The following PIK3C2G variants were observed in gnomAD, a reference collection of about 807,000 sequenced individuals.
PIK3C2G encodes phosphatidylinositol-4-phosphate 3-kinase catalytic subunit type 2 gamma.
PIK3C2G carries 168 observed loss-of-function variants against 181.1 expected under a neutral mutation model. The observed-to-expected ratio is 0.93, with a 90% CI of 0.82 to 1.05. PIK3C2G has a LOEUF of 1.05. Ranked by LOEUF, PIK3C2G falls within the 50% of genes least tolerant of loss-of-function variation. The probability of loss-of-function intolerance (pLI) is 0.00; values close to 1 mark genes in which losing one functional copy is unlikely to be tolerated. For synonymous variants in PIK3C2G, 573 were observed against 592.2 expected (o/e 0.97, Z 0.47); for missense variants, 1,869 against 1,732.8 (o/e 1.08, Z -1.40).
At chr12:18,273,875 G>C (rs1948856391) in intron 1 of PIK3C2G, among the ~76,000 whole-genome samples, 1 of 151,996 alleles carries the variant, frequency 6.6e-6, no homozygotes. Flanking sequence ...GCAACCTACA[G>C]AATGGGAGAA....
At chr12:18,421,519 T>G (rs1945485947) in intron 17 of PIK3C2G, among the ~76,000 whole-genome samples, 1 of 151,966 alleles carries the variant, frequency 6.6e-6, no homozygotes, top group Non-Finnish European at 1.5e-5. Context: ...AATGTTGGAG[T>G]AATTTTAGAA....
At chr12:18,257,344 C>A (rs968731517), upstream of PIK3C2G, among the ~76,000 whole-genome samples, 1 of 152,154 alleles carries the variant, frequency 6.6e-6, no homozygotes, top group African/African-American at 2.4e-5. Context: ...ATTCATTTAA[C>A]ACAGAGAATA....
the PIK3C2G span, chr12:18,696,142 T>C: frequency 2.2e-6 from 3 of 1,345,326 alleles, no homozygotes; most frequent in Admixed American, 1.7e-5. Flanking sequence ...ATATCGTATA[T>C]AACATACCCA....
At chr12:18,532,207 G>A (rs537038214) in intron 24 of PIK3C2G, among the ~76,000 whole-genome samples, 10 of 151,982 alleles carry the variant, frequency 6.6e-5, no homozygotes, top group Admixed American at 2.0e-4. Flanking sequence ...TATCTCTTTT[G>A]CTCATTTTCT....
rs555747731 is a variant in PIK3C2G at position 18,386,054 on chromosome 12, T to A, written c.1995+4174T>A. On this transcript the variant is annotated intron_variant, in intron 14 of 32. Transcript: ENST00000538779. ...ACTCCCTCCTCTTCTTCAAAGAGAC[T>A]GAACTTTCTCCCTCCTCCTTCCACA... Among the ~76,000 whole-genome samples the A allele has an allele frequency of 7.2e-5, 11 of 152,182 alleles. No homozygotes were observed. The South Asian group carries it at 2.3e-3, about 32-fold the overall frequency.
At chr12:18,292,861 G>A (rs1949772094) in intron 4 of PIK3C2G, among the ~76,000 whole-genome samples, 1 of 152,152 alleles carries the variant, frequency 6.6e-6, no homozygotes, top group Non-Finnish European at 1.5e-5. Context: ...AGAGTCTAGA[G>A]AACAACCAAC....
At chr12:18,466,527 TTTAAAG>T (rs1937901509) in intron 18 of PIK3C2G, among the ~76,000 whole-genome samples, 1 of 152,078 alleles carries the variant, frequency 6.6e-6, no homozygotes, top group South Asian at 2.1e-4. Flanking sequence ...ATATATACAT[TTTAAAG>T]TTAATTTTAT....
At chr12:18,607,006 C>T (rs76104143) in intron 30 of PIK3C2G, among the ~76,000 whole-genome samples, 3,528 of 151,974 alleles carry the variant, frequency 0.023, 144 homozygotes, top group African/African-American at 0.08. Context: ...TGGCTTTGCC[C>T]CTTGGGGATA....
At chr12:18,424,964 G>A (rs1945710483) in intron 18 of PIK3C2G, 1 of 196,586 alleles carries the variant, frequency 5.1e-6, no homozygotes, top group Admixed American at 4.6e-5. Context: ...AGTATGATTG[G>A]AAATGGGTCC....
At chr12:18,673,729 C>G in the PIK3C2G span, among the ~76,000 whole-genome samples, 19 of 152,298 alleles carry the variant, frequency 1.2e-4, no homozygotes, top group African/African-American at 4.3e-4. Flanking sequence ...GCAGTCTCAT[C>G]TGACTTCTCA....
chr12:18,314,000 A>G lies in PIK3C2G; in HGVS notation c.1073A>G (p.Asp358Gly), dbSNP rs1284974002. ...GGGAGCCACAAAATGTTTCAAAAAG[A>G]TAAATCTGTTATTCAGCTCCACCTG... ...CLGSHKMFQK[D>G]KSVIQLHLQK... The change falls in exon 6 of 33, where the codon GAT becomes GGT. Residue 358 changes from aspartate (D) to glycine (G), a missense_variant. Asp to Gly is a moderately conservative substitution (Grantham distance 94). Coordinates refer to ENST00000538779, the MANE Select transcript of PIK3C2G (RefSeq NM_001288772.2). 6.3e-7 allele frequency: 1 copy of G among 1,592,408 alleles called. No individual in the cohort carries two copies. The highest frequency in any genetic ancestry group is 1.1e-5 in the South Asian group (1 of 87,026).
the PIK3C2G span, among the ~76,000 whole-genome samples, chr12:18,659,012 T>C: frequency 6.6e-6 from 1 of 152,140 alleles, no homozygotes; most frequent in African/African-American, 2.4e-5. Context: ...TCAGTGCTTT[T>C]TGGAGCATGA....
At chr12:18,683,370 G>A in the PIK3C2G span, 2 of 1,574,936 alleles carry the variant, frequency 1.3e-6, no homozygotes, top group South Asian at 1.1e-5. Flanking sequence ...CAATTAATCA[G>A]TGGTGTCTCC....
At chr12:18,639,076 G>T (rs1464109720) in intron 31 of PIK3C2G, among the ~76,000 whole-genome samples, 1 of 151,900 alleles carries the variant, frequency 6.6e-6, no homozygotes, top group African/African-American at 2.4e-5. Flanking sequence ...GATATCAAAT[G>T]GCAGAGGTAT....
At chr12:18,300,114 T>C (rs1950112819) in intron 5 of PIK3C2G, among the ~76,000 whole-genome samples, 1 of 151,962 alleles carries the variant, frequency 6.6e-6, no homozygotes, top group South Asian at 2.1e-4. Context: ...TTGTGTTAGT[T>C]CTTCTTTATA....
intron 26 of PIK3C2G, among the ~76,000 whole-genome samples, chr12:18,548,147 G>A (rs78710467): frequency 0.015 from 2,312 of 152,064 alleles, 27 homozygotes; most frequent in Non-Finnish European, 0.025. Flanking sequence ...CTTCAGGAGA[G>A]GATCTGAGTA....
At chr12:18,692,036 G>A in the PIK3C2G span, among the ~76,000 whole-genome samples, 1 of 152,220 alleles carries the variant, frequency 6.6e-6, no homozygotes, top group East Asian at 1.9e-4. Flanking sequence ...TATTACGATG[G>A]TGGAAAAAGG....
At position 18,533,424 on chromosome 12, in the gene PIK3C2G, T is replaced by C. The variant is rs568609358; in HGVS notation, c.3324-4732T>C. Among the ~76,000 whole-genome samples the C allele has an allele frequency of 1.7e-3, 260 of 152,190 alleles. 2 individuals are homozygous for C. The highest frequency in any genetic ancestry group is 5.9e-3 in the African/African-American group (243 of 41,530). On this transcript the variant is annotated intron_variant, in intron 24 of 32. Transcript: ENST00000538779. ...TCGTGAAATCCTATTGATTTTTTTT[T>C]CTCTGAAATATGCTTTTAAGTCTTC...
Position 18,310,718 on chromosome 12 carries a change from G to A in PIK3C2G, c.1035-3244G>A, listed in dbSNP as rs180827545. Among the ~76,000 whole-genome samples the A allele has an allele frequency of 2.5e-3, 382 of 151,814 alleles. 2 individuals are homozygous for A. Among genetic ancestry groups the A allele is most frequent in the Middle Eastern group, 6.8e-3 (2 of 292 alleles). Reference sequence around the variant, plus strand: ...GCTCTAAAGATAAATAGAGAAAGAAGAGACTCAAAAATGGCTCAAATAAAC... The same window carrying A: ...GCTCTAAAGATAAATAGAGAAAGAAAAGACTCAAAAATGGCTCAAATAAAC... On this transcript the variant is annotated intron_variant, in intron 5 of 32. Coordinates refer to ENST00000538779, the MANE Select transcript of PIK3C2G (RefSeq NM_001288772.2).
Sources: allele counts gnomAD v4.1 joint callset (sites outside exome capture counted in the v4.1 genomes callset), GRCh38; gene constraint gnomAD v4.1.1; transcripts MANE v1.5; gene names NCBI Gene and HGNC (gene_info 2026-07-23, HGNC 2026-07-21).